The following DEPTOR variants were observed in gnomAD, a reference collection of about 807,000 sequenced individuals.
The protein encoded by DEPTOR is DEP domain-containing mTOR-interacting protein.
A neutral mutation model predicts 41.6 loss-of-function variants in DEPTOR; 41 were observed. The ratio of observed to expected loss-of-function variants is 0.98; its 90% CI spans 0.77 to 1.28. DEPTOR has a LOEUF of 1.28. Among genes scored for constraint, DEPTOR ranks in the 50% most tolerant of loss-of-function variants. DEPTOR has a pLI of 0.00. For synonymous variants in DEPTOR, 195 were observed against 192.3 expected, an observed-to-expected ratio of 1.01 and a Z score of -0.12; for missense variants, 514 against 527.9, an observed-to-expected ratio of 0.97 and a Z score of 0.26.
At chr8:119,905,778 G>GA (rs2129766776) in intron 1 of DEPTOR, among the ~76,000 whole-genome samples, 1 of 152,024 alleles carries the variant, frequency 6.6e-6, no homozygotes, top group Non-Finnish European at 1.5e-5. Flanking sequence ...GAGTAGCTTG[G>GA]ACTACAGGAA....
At chr8:120,015,845 C>A (rs759472864) in intron 8 of DEPTOR, among the ~76,000 whole-genome samples, 1 of 152,032 alleles carries the variant, frequency 6.6e-6, no homozygotes, top group East Asian at 1.9e-4. Context: ...TCACGTAGCC[C>A]GAAAAAGCTT....
intron 1 of DEPTOR, among the ~76,000 whole-genome samples, chr8:119,882,228 G>A (rs932846513): frequency 2.0e-5 from 3 of 152,170 alleles, no homozygotes; most frequent in Non-Finnish European, 4.4e-5. Flanking sequence ...GCTGATATAA[G>A]TTATGGCTTC....
chr8:119,894,704 T>A (rs1195314871), intron 1 of DEPTOR, among the ~76,000 whole-genome samples: 5 of 152,206 alleles, frequency 3.3e-5, no homozygotes, highest in African/African-American at 4.8e-5. Context: ...CCTCTAATAG[T>A]TCTTAAAAGT....
chr8:119,927,418 A>T (rs10099088), intron 1 of DEPTOR, among the ~76,000 whole-genome samples: 1 of 151,548 alleles, frequency 6.6e-6, no homozygotes. Context: ...GCTCAAATAG[A>T]GTTGTTTGTA....
At chr8:119,969,631 C>T (rs1234855630) in intron 4 of DEPTOR, among the ~76,000 whole-genome samples, 1 of 152,222 alleles carries the variant, frequency 6.6e-6, no homozygotes, top group Non-Finnish European at 1.5e-5. Flanking sequence ...GCTGGGATTA[C>T]AGGCGTGAGC....
At chr8:120,048,843 T>C (rs1563603104) in intron 8 of DEPTOR, among the ~76,000 whole-genome samples, 1 of 152,162 alleles carries the variant, frequency 6.6e-6, no homozygotes, top group Non-Finnish European at 1.5e-5. Context: ...CGTTGAAACA[T>C]AGAAGAGGAG....
At position 119,965,496 on chromosome 8, in the gene DEPTOR, C is replaced by T. The variant is rs1828548204; in HGVS notation, c.604+86C>T. 4 of 1,484,102 alleles carry T rather than the reference C, an allele frequency of 2.7e-6. No homozygotes were observed. The Admixed American group carries it at 8.7e-5, about 32-fold the overall frequency. The allele number at this position is 1,484,102 out of a possible 1,614,324, so 91.9% of individuals were successfully genotyped here. ...TACAACAACACGTACTTATTTCTCA[C>T]TCATGAATCTGTAAGTCAGCTGCAC... On this transcript the variant is annotated intron_variant, in intron 4 of 8. Transcript: ENST00000286234.
chr8:119,917,046 AGAC>A (rs1347873612), intron 1 of DEPTOR, among the ~76,000 whole-genome samples: 2 of 152,290 alleles, frequency 1.3e-5, no homozygotes, highest in African/African-American at 4.8e-5. Context: ...CTGGGATTAT[AGAC>A]GTGAGCCATG....
intron 1 of DEPTOR, among the ~76,000 whole-genome samples, chr8:119,906,544 C>T (rs73706224): frequency 6.6e-6 from 1 of 152,068 alleles, no homozygotes; most frequent in African/African-American, 2.4e-5. Context: ...GTCTTAGGCC[C>T]CTCCTTTATA....
In DEPTOR at chr8:119,929,814, G is replaced by A. The variant is rs772552810; in HGVS notation, c.302-1G>A. 9 of 1,607,232 alleles carry A rather than the reference G, an allele frequency of 5.6e-6. No individual in the cohort carries two copies. The Admixed American group carries it at 8.4e-5, about 15-fold the overall frequency. On this transcript the variant is annotated splice_acceptor_variant, in intron 2 of 8. Coordinates refer to ENST00000286234, the MANE Select transcript of DEPTOR (RefSeq NM_022783.4). LOFTEE classifies it high-confidence loss of function. ...GCTTCTCTGTGCATATTGTGTTTCA[G>A]TGTGTGATGAGCATAAGGAATTCAA...
chr8:119,880,550 A>G (rs1827285896), intron 1 of DEPTOR, among the ~76,000 whole-genome samples: 1 of 152,242 alleles, frequency 6.6e-6, no homozygotes, highest in Non-Finnish European at 1.5e-5. Context: ...AAACAGAATC[A>G]TGTATATGAG....
intron 1 of DEPTOR, among the ~76,000 whole-genome samples, chr8:119,919,700 G>A (rs1028435525): frequency 6.6e-6 from 1 of 152,158 alleles, no homozygotes; most frequent in Non-Finnish European, 1.5e-5. Flanking sequence ...ATCTATGTCA[G>A]TACTGTTGCC....
At chr8:120,013,302 T>C (rs920486473) in intron 8 of DEPTOR, among the ~76,000 whole-genome samples, 41 of 152,170 alleles carry the variant, frequency 2.7e-4, no homozygotes, top group Admixed American at 2.0e-3. Flanking sequence ...TGATAGCAAA[T>C]ACCATGTCCT....
chr8:120,034,505 T>C (rs993068411), intron 8 of DEPTOR, among the ~76,000 whole-genome samples: 4 of 134,410 alleles, frequency 3.0e-5, no homozygotes, highest in African/African-American at 1.1e-4. Flanking sequence ...TGGAGTGCAG[T>C]GGCGCAATCT....
At chr8:119,998,389 T>C (rs532017239) in intron 4 of DEPTOR, among the ~76,000 whole-genome samples, 1 of 152,304 alleles carries the variant, frequency 6.6e-6, no homozygotes, top group Non-Finnish European at 1.5e-5. Context: ...CCTGGCCTCA[T>C]TGTGGGGTTT....
Position 120,049,567 on chromosome 8 carries a change from T to C in DEPTOR, c.1102-9T>C, listed in dbSNP as rs1392306823. On this transcript the variant is annotated splice_polypyrimidine_tract_variant and intron_variant, in intron 8 of 8. Coordinates refer to ENST00000286234, the MANE Select transcript of DEPTOR (RefSeq NM_022783.4). ...TAATAGATGCTCTTTCTTTGCATCT[T>C]TCCTTTAGGTCTGTCAGTTTGTCGT... 2 of 1,612,356 alleles carry C rather than the reference T, an allele frequency of 1.2e-6. No individual in the cohort carries two copies. Among genetic ancestry groups the C allele is most frequent in the South Asian group, 1.1e-5 (1 of 90,886 alleles).
intron 8 of DEPTOR, among the ~76,000 whole-genome samples, chr8:120,015,931 C>T (rs1414376521): frequency 1.3e-5 from 2 of 152,088 alleles, no homozygotes; most frequent in East Asian, 1.9e-4. Context: ...TAGGTGGGGG[C>T]GGCCATGTTG....
At chr8:120,014,027 C>T (rs1170831813) in intron 8 of DEPTOR, among the ~76,000 whole-genome samples, 7 of 151,924 alleles carry the variant, frequency 4.6e-5, no homozygotes, top group Non-Finnish European at 1.0e-4. Context: ...TTAGTAGAAA[C>T]GGGGTTTCAC....
chr8:119,883,200 C>T (rs146127390), intron 1 of DEPTOR, among the ~76,000 whole-genome samples: 2,836 of 151,786 alleles, frequency 0.019, 89 homozygotes, highest in African/African-American at 0.064. Context: ...TAGGGCCGGG[C>T]GCGGTGGCTC....
Sources: allele counts gnomAD v4.1 joint callset (sites outside exome capture counted in the v4.1 genomes callset), GRCh38; gene constraint gnomAD v4.1.1; transcripts MANE v1.5; gene names NCBI Gene and HGNC (gene_info 2026-07-23, HGNC 2026-07-21).